Variants in GRM5 observed in about 807,000 individuals in gnomAD.
GRM5 encodes the protein metabotropic glutamate receptor 5.
Under a neutral mutation model 83.1 loss-of-function variants are expected in GRM5, and 19 were observed. That is an observed-to-expected ratio of 0.23 (90% CI 0.16 to 0.34). The LOEUF is 0.34. GRM5 is among the 10% of genes least tolerant of loss of function. The probability of loss-of-function intolerance (pLI) is 1.00; values close to 1 mark genes in which losing one functional copy is unlikely to be tolerated. For synonymous variants in GRM5, 675 were observed against 633.6 expected (o/e 1.07, Z -0.98); for missense variants, 1,160 against 1,588.3 (o/e 0.73, Z 4.58).
chr11:88,897,639 T>C (rs543216974), intron 2 of GRM5, among the ~76,000 whole-genome samples: 2 of 151,788 alleles, frequency 1.3e-5, no homozygotes, highest in African/African-American at 4.8e-5. Context: ...TGACATCTAG[T>C]AGGTTGAGGT....
At chr11:88,899,564 A>G (rs943790824) in intron 2 of GRM5, among the ~76,000 whole-genome samples, 9 of 152,016 alleles carry the variant, frequency 5.9e-5, no homozygotes, top group African/African-American at 2.2e-4. Flanking sequence ...GAGGAAATGG[A>G]CTGATTTACC....
rs1194098388 is a variant in GRM5, at chr11:88,570,571, ATTT to A, written c.1691-2582_1691-2580del. Reference sequence around the variant, plus strand: ...TAATAATATATATATATATATATATATTTTTTTTTTTTTTTTTTTTTTTTTTGA... The same window carrying A: ...TAATAATATATATATATATATATATATTTTTTTTTTTTTTTTTTTTTTTGA... On this transcript the variant is annotated intron_variant, in intron 7 of 9. Coordinates refer to ENST00000305447, the MANE Select transcript of GRM5 (RefSeq NM_001143831.3). Among the ~76,000 whole-genome samples, 191 of 46,264 alleles carry A rather than the reference ATTT, an allele frequency of 4.1e-3. 1 individual carries two copies. Among genetic ancestry groups the A allele is most frequent in the African/African-American group, 0.024 (179 of 7,380 alleles). 30.4% of individuals were successfully genotyped at this position (46,264 alleles called of 152,430 possible). A position where few individuals can be genotyped will look rare whatever the true frequency, so the allele number is the denominator to read the frequency against.
intron 7 of GRM5, among the ~76,000 whole-genome samples, chr11:88,574,651 CA>C (rs764062946): frequency 2.0e-5 from 3 of 152,070 alleles, no homozygotes; most frequent in Non-Finnish European, 4.4e-5. Context: ...CCTGTAGTCC[CA>C]GCTACTCAGG....
intron 2 of GRM5, among the ~76,000 whole-genome samples, chr11:89,007,596 G>A (rs532952377): frequency 6.6e-6 from 1 of 152,138 alleles, no homozygotes; most frequent in Non-Finnish European, 1.5e-5. Context: ...AGGTAATAAA[G>A]GTTTATTTGT....
In GRM5 at chr11:89,017,503, C is replaced by T. The variant is rs545806008; in HGVS notation, c.661+29709G>A. ...ATGAAAATGCCTCTTACCATTTATC[C>T]AATAAATACCTACTCTGCTCTCAGT... is the stretch of plus-strand genomic sequence containing the variant. On this transcript the variant is annotated intron_variant, in intron 2 of 9. Coordinates refer to ENST00000305447, the MANE Select transcript of GRM5 (RefSeq NM_001143831.3). Among the ~76,000 whole-genome samples, 1,395 of 152,252 alleles carry T rather than the reference C, an allele frequency of 9.2e-3. 12 individuals are homozygous for T. Among genetic ancestry groups the T allele is most frequent in the African/African-American group, 0.032 (1,340 of 41,532 alleles).
intron 2 of GRM5, among the ~76,000 whole-genome samples, chr11:88,908,621 C>T (rs1391176781): frequency 6.6e-6 from 1 of 152,124 alleles, no homozygotes; most frequent in East Asian, 1.9e-4. Flanking sequence ...TTTTCAGCTT[C>T]TTATCCTATT....
At chr11:88,958,243 T>TTATA (rs887943857) in intron 2 of GRM5, among the ~76,000 whole-genome samples, 1 of 148,998 alleles carries the variant, frequency 6.7e-6, no homozygotes, top group African/African-American at 2.5e-5. Context: ...CAAAAATATT[T>TTATA]TATATATATA....
chr11:88,794,341 A>G (rs765649825), intron 3 of GRM5, among the ~76,000 whole-genome samples: 1 of 152,138 alleles, frequency 6.6e-6, no homozygotes, highest in Non-Finnish European at 1.5e-5. Flanking sequence ...TTCCTCTGTA[A>G]CACCATTCTG....
intron 3 of GRM5, among the ~76,000 whole-genome samples, chr11:88,658,127 T>C (rs1442304128): frequency 6.6e-6 from 1 of 152,058 alleles, no homozygotes; most frequent in Non-Finnish European, 1.5e-5. Context: ...TGCAGAGGCA[T>C]TAGATTCTCA....
chr11:88,562,483 C>T (rs1942780162), intron 8 of GRM5, among the ~76,000 whole-genome samples: 1 of 152,028 alleles, frequency 6.6e-6, no homozygotes, highest in Non-Finnish European at 1.5e-5. Context: ...TATTTTATGA[C>T]AATTAGAAAT....
chr11:88,762,475 A>G (rs545673583), intron 3 of GRM5, among the ~76,000 whole-genome samples: 2 of 148,644 alleles, frequency 1.3e-5, no homozygotes, highest in Admixed American at 1.4e-4. Context: ...TCAAAACCAC[A>G]ATGAGATACC....
Position 88,525,316 on chromosome 11 carries a change from T to C in GRM5, c.2719A>G (p.Met907Val). 6.3e-7 allele frequency: 1 copy of C among 1,595,762 alleles called. No homozygotes were observed. Among genetic ancestry groups the C allele is most frequent in the Non-Finnish European group, 8.6e-7 (1 of 1,163,368 alleles). Residue 907 changes from methionine to valine, a missense_variant, in exon 9 of 10, where the codon ATG becomes GTG. Physicochemically the swap from Met to Val is conservative, Grantham distance 21. Transcript: ENST00000305447. ...GSMGNGGRAT[M>V]SSSNGKSVTW... ...CACTCATAGTTTGCTTACCTGCTCA[T>C]TGTTGCTCTCCCACCATTCCCCATA... is the stretch of plus-strand genomic sequence containing the variant.
intron 2 of GRM5, among the ~76,000 whole-genome samples, chr11:88,926,746 A>G (rs1413109794): frequency 6.6e-6 from 1 of 152,168 alleles, no homozygotes; most frequent in Non-Finnish European, 1.5e-5. Context: ...CTTAAATGAC[A>G]TCAATCTAAG....
intron 4 of GRM5, among the ~76,000 whole-genome samples, chr11:88,621,240 C>T (rs1938626064): frequency 6.6e-6 from 1 of 152,146 alleles, no homozygotes; most frequent in African/African-American, 2.4e-5. Context: ...CCACTTGGCC[C>T]TGTCTGTTTA....
At chr11:88,748,162 G>A (rs1220133477) in intron 3 of GRM5, among the ~76,000 whole-genome samples, 1 of 152,120 alleles carries the variant, frequency 6.6e-6, no homozygotes, top group Non-Finnish European at 1.5e-5. Context: ...CCCCTATGAG[G>A]TGATCCCCAC....
intron 6 of GRM5, among the ~76,000 whole-genome samples, chr11:88,595,463 AT>A (rs1222970732): frequency 1.3e-5 from 2 of 151,874 alleles, no homozygotes; most frequent in South Asian, 2.1e-4. Context: ...TGAGATCAAC[AT>A]TTTTTATCTT....
chr11:88,608,514 A>ATTTTTT (rs35701224), intron 4 of GRM5, among the ~76,000 whole-genome samples: 14 of 98,634 alleles, frequency 1.4e-4, no homozygotes, highest in Admixed American at 2.4e-4. Context: ...GAAAACAGGG[A>ATTTTTT]TTTTTTTTTT....
At chr11:88,581,403 T>C (rs1943211016) in intron 7 of GRM5, among the ~76,000 whole-genome samples, 1 of 152,222 alleles carries the variant, frequency 6.6e-6, no homozygotes, top group Admixed American at 6.5e-5. Flanking sequence ...AAAATTTCCG[T>C]GCTTTAAGTC....
intron 2 of GRM5, among the ~76,000 whole-genome samples, chr11:88,986,412 C>G (rs959360303): frequency 6.6e-6 from 1 of 152,092 alleles, no homozygotes. Flanking sequence ...TGGAACACTT[C>G]TCTTTCTTAA....
Sources: allele counts gnomAD v4.1 joint callset (sites outside exome capture counted in the v4.1 genomes callset), GRCh38; gene constraint gnomAD v4.1.1; transcripts MANE v1.5; gene names NCBI Gene and HGNC (gene_info 2026-07-23, HGNC 2026-07-21).